The following FAM167A variants were observed in gnomAD, a reference collection of about 807,000 sequenced individuals.
FAM167A encodes family with sequence similarity 167 member A.
FAM167A carries 23 observed loss-of-function variants against 14.9 expected under a neutral mutation model. That is an observed-to-expected ratio of 1.55 (90% CI 1.11 to 2.19). FAM167A has a LOEUF of 2.19. Ranked by LOEUF, FAM167A falls within the 30% of genes most tolerant of loss-of-function variation. The pLI, the probability that FAM167A is intolerant of heterozygous loss-of-function variation, is 0.00. For synonymous variants in FAM167A, 174 were observed against 117.7 expected, an observed-to-expected ratio of 1.48 and a Z score of -3.10; for missense variants, 401 against 281.5, an observed-to-expected ratio of 1.42 and a Z score of -3.04.
chr8:11,455,607 T>C (rs1807216888), intron 1 of FAM167A, among the ~76,000 whole-genome samples: 1 of 133,898 alleles, frequency 7.5e-6, no homozygotes, highest in Non-Finnish European at 1.6e-5. Flanking sequence ...CTCACCTGAG[T>C]GTGAGTGTGC....
chr8:11,473,512 A>G lies in FAM167A; in HGVS notation c.-398+2354T>C, dbSNP rs140336212. Among the ~76,000 whole-genome samples the G allele has an allele frequency of 3.3e-3, 508 of 152,342 alleles. 7 individuals are homozygous for G. Among genetic ancestry groups the G allele is most frequent in the Non-Finnish European group, 3.5e-3 (241 of 68,038 alleles). ...AGATACTGAGGACAAAGCCTCCCTT[A>G]TACGTAACTTCTCTCCTAAAATCAA... On this transcript the variant is annotated intron_variant, in intron 1 of 1. Transcript: ENST00000648766.
Position 11,453,903 on chromosome 8 carries a change from C to T in FAM167A, c.-397-9095G>A, listed in dbSNP as rs1807127300. On this transcript the variant is annotated intron_variant, in intron 1 of 2. Coordinates refer to ENST00000284486, the MANE Select transcript of FAM167A (RefSeq NM_053279.3). ...CGAGGTGGCAGCCTATGTGACCAGC[C>T]TAAGGCCCGGGGCTCCTCAGTGACA... Among the ~76,000 whole-genome samples the T allele has an allele frequency of 3.3e-5, 5 of 152,222 alleles. No individual in the cohort carries two copies. In the South Asian group the frequency reaches 1.0e-3, roughly 32 times the overall value.
chr8:11,467,269 T>C (rs1253843473), upstream of FAM167A, among the ~76,000 whole-genome samples: 1 of 152,272 alleles, frequency 6.6e-6, no homozygotes, highest in African/African-American at 2.4e-5. Flanking sequence ...CGCGAGCGTT[T>C]GCCCCACTAA....
intron 2 of FAM167A, among the ~76,000 whole-genome samples, chr8:11,428,420 C>T (rs760619090): frequency 3.9e-5 from 6 of 152,348 alleles, no homozygotes; most frequent in East Asian, 3.9e-4. Flanking sequence ...GGCGTTGCCT[C>T]GCACGCCCAT....
chr8:11,442,288 G>A (rs996360289), intron 2 of FAM167A, among the ~76,000 whole-genome samples: 10 of 152,092 alleles, frequency 6.6e-5, no homozygotes, highest in Non-Finnish European at 1.5e-4. Flanking sequence ...TGAGAAGCAC[G>A]CAGGAGCTTT....
chr8:11,453,766 C>G (rs948182766), intron 1 of FAM167A, among the ~76,000 whole-genome samples: 5 of 152,090 alleles, frequency 3.3e-5, no homozygotes, highest in Admixed American at 6.6e-5. Flanking sequence ...TCCTATGACG[C>G]TGGCCACTCC....
intron 1 of FAM167A, among the ~76,000 whole-genome samples, chr8:11,459,322 C>A (rs1807448221): frequency 2.0e-5 from 3 of 152,212 alleles, no homozygotes; most frequent in Admixed American, 2.0e-4. Context: ...CTCCCCAACT[C>A]CACCATTGTG....
chr8:11,434,251 G>A (rs998444245), intron 2 of FAM167A: 4 of 152,250 alleles, frequency 2.6e-5, no homozygotes, highest in African/African-American at 4.8e-5. Context: ...CTGGCGAGCC[G>A]AGGCCGCACT....
At chr8:11,456,392 T>TGAGAGTGTGA (rs143216488) in intron 1 of FAM167A, among the ~76,000 whole-genome samples, 1 of 120,584 alleles carries the variant, frequency 8.3e-6, no homozygotes, top group African/African-American at 3.3e-5. Flanking sequence ...GCCTGGTGTG[T>TGAGAGTGTGA]GTGTGAGTGT....
chr8:11,434,523 G>A (rs1805859296), intron 2 of FAM167A, among the ~76,000 whole-genome samples: 1 of 152,184 alleles, frequency 6.6e-6, no homozygotes, highest in African/African-American at 2.4e-5. Context: ...CAGCCCCAGA[G>A]CCAGGCATAG....
At position 11,436,911 on chromosome 8, in the gene FAM167A, G is replaced by C. The variant is rs367895536; in HGVS notation, c.381+7120C>G. ...AGCTGAGGACAGGACATGAGCTGCT[G>C]GAGTGGGGACCTGTGGGATTAAATA... On this transcript the variant is annotated intron_variant, in intron 2 of 2. Transcript: ENST00000284486. 6.6e-5 allele frequency among the ~76,000 whole-genome samples: 10 copies of C among 152,324 alleles called. No homozygotes were observed. In the East Asian group the frequency reaches 1.2e-3, roughly 18 times the overall value.
intron 1 of FAM167A, among the ~76,000 whole-genome samples, chr8:11,456,506 T>G (rs1197517907): frequency 1.6e-5 from 2 of 123,008 alleles, no homozygotes; most frequent in Admixed American, 8.8e-5. Context: ...GGTGTGTGAG[T>G]GTGAGTGTGG....
intron 1 of FAM167A, among the ~76,000 whole-genome samples, chr8:11,463,923 G>T (rs376661211): frequency 3.3e-5 from 5 of 152,206 alleles, no homozygotes; most frequent in Non-Finnish European, 5.9e-5. Flanking sequence ...TGACAACTTG[G>T]GGGGAGCTAC....
At chr8:11,455,499 TGTGA>T (rs1336028423) in intron 1 of FAM167A, among the ~76,000 whole-genome samples, 6 of 134,240 alleles carry the variant, frequency 4.5e-5, no homozygotes, top group Admixed American at 7.4e-5. Flanking sequence ...CTGATGGGTG[TGTGA>T]GTGTGAGTGT....
chr8:11,468,119 T>G (rs1214534924), upstream of FAM167A, among the ~76,000 whole-genome samples: 1 of 152,016 alleles, frequency 6.6e-6, no homozygotes, highest in Non-Finnish European at 1.5e-5. Context: ...CCCTTTACCC[T>G]CTCTCAGCGC....
intron 2 of FAM167A, among the ~76,000 whole-genome samples, chr8:11,430,819 G>C (rs564316559): frequency 2.0e-5 from 3 of 152,168 alleles, no homozygotes; most frequent in Non-Finnish European, 2.9e-5. Context: ...GAGGAAAAAC[G>C]CAAGGGGAAG....
chr8:11,462,614 G>A (rs746234179), intron 1 of FAM167A, among the ~76,000 whole-genome samples: 37 of 151,994 alleles, frequency 2.4e-4, no homozygotes, highest in Non-Finnish European at 2.2e-4. Flanking sequence ...GCTCCCTGAG[G>A]GCACGGCCTT....
chr8:11,468,628 G>T (rs1807860052), upstream of FAM167A, among the ~76,000 whole-genome samples: 1 of 152,228 alleles, frequency 6.6e-6, no homozygotes, highest in African/African-American at 2.4e-5. Flanking sequence ...GCCCTAGTTG[G>T]CTGCATTGCT....
intron 1 of FAM167A, among the ~76,000 whole-genome samples, chr8:11,457,522 T>C (rs971640586): frequency 2.0e-5 from 3 of 152,078 alleles, no homozygotes; most frequent in African/African-American, 4.8e-5. Flanking sequence ...TTGGTGTCTG[T>C]GTGTCCCACC....
Sources: gnomAD v4.1 joint callset for allele counts (sites outside exome capture counted in the v4.1 genomes callset) on GRCh38, gnomAD v4.1.1 for gene constraint, MANE v1.5 for transcripts, NCBI Gene and HGNC (gene_info 2026-07-23, HGNC 2026-07-21) for gene names.